The following CTNND1 variants were observed in gnomAD, a reference collection of about 807,000 sequenced individuals.
The protein encoded by CTNND1 is catenin delta-1.
A neutral mutation model predicts 112.1 loss-of-function variants in CTNND1; 16 were observed. The ratio of observed to expected loss-of-function variants is 0.14; its 90% CI spans 0.10 to 0.22. The LOEUF (loss-of-function observed/expected upper bound fraction) is 0.22, where lower values mean the gene tolerates loss of function less well. Ranked by LOEUF, CTNND1 falls within the 10% of genes least tolerant of loss-of-function variation. The probability of loss-of-function intolerance (pLI) is 1.00; values close to 1 mark genes in which losing one functional copy is unlikely to be tolerated. For synonymous variants in CTNND1, 420 were observed against 446.5 expected (o/e 0.94, Z 0.75); for missense variants, 1,008 against 1,257.0 (o/e 0.80, Z 3.00).
In CTNND1 at chr11:57,788,726, A is replaced by T. The variant is rs2060387954; in HGVS notation, c.-213-311A>T. ...ACAGCAGTTTTTTTCTTTTTCCCCA[A>T]TTTGGTTGCTGGAAACAGGGTAAAT... On this transcript the variant is annotated intron_variant, in intron 1 of 20. Transcript: ENST00000399050. The surrounding 1 kb of genome is among the most constrained non-coding windows in gnomAD (Gnocchi z 4.1). Among the ~76,000 whole-genome samples, 1 of 152,106 alleles carries T rather than the reference A, an allele frequency of 6.6e-6. No homozygotes were observed. The highest frequency in any genetic ancestry group is 2.1e-4 in the South Asian group (1 of 4,826).
chr11:57,780,470 T>C (rs1285564201), intron 1 of CTNND1, among the ~76,000 whole-genome samples: 1 of 152,212 alleles, frequency 6.6e-6, no homozygotes, highest in Non-Finnish European at 1.5e-5. Flanking sequence ...TACTAGTTGA[T>C]GAGCTTGGGC....
At chr11:57,806,696 C>A in intron 11 of CTNND1, 1 of 629,660 alleles carries the variant, frequency 1.6e-6, no homozygotes, top group Non-Finnish European at 2.8e-6. Flanking sequence ...ACAATAGCAT[C>A]AACAGTGGTC....
chr11:57,789,764 C>G (rs1053321744), intron 2 of CTNND1, among the ~76,000 whole-genome samples: 1 of 152,164 alleles, frequency 6.6e-6, no homozygotes, highest in African/African-American at 2.4e-5. Context: ...GCATGCGTCC[C>G]GCGGGCCAAG....
Position 57,796,324 on chromosome 11 carries a change from T to G in CTNND1, c.421-133T>G, listed in dbSNP as rs541416756. 178 of 795,602 alleles carry G rather than the reference T, an allele frequency of 2.2e-4. No homozygotes were observed. The East Asian group carries it at 4.8e-3, about 22-fold the overall frequency. 49.3% of individuals were successfully genotyped at this position (795,602 alleles called of 1,614,324 possible). On this transcript the variant is annotated intron_variant, in intron 5 of 20. Coordinates refer to ENST00000399050, the MANE Select transcript of CTNND1 (RefSeq NM_001085458.2). ...TTGCGTGAACCTGGGAGGCAGAGGTTGCAGGTGAGCCGAGATCACGCCATT... is the reference window on the plus strand; with the variant it reads ...TTGCGTGAACCTGGGAGGCAGAGGTGGCAGGTGAGCCGAGATCACGCCATT...
intron 6 of CTNND1, among the ~76,000 whole-genome samples, chr11:57,799,705 A>G (rs771436654): frequency 1.3e-5 from 2 of 152,196 alleles, no homozygotes; most frequent in Non-Finnish European, 2.9e-5. Context: ...GATATAGGAT[A>G]GAGTTATCTG....
At chr11:57,775,754 G>A (rs998229754) in intron 1 of CTNND1, among the ~76,000 whole-genome samples, 1 of 152,112 alleles carries the variant, frequency 6.6e-6, no homozygotes, top group Non-Finnish European at 1.5e-5. Flanking sequence ...GGGAGGGGCT[G>A]GTTATGTTAG....
intron 1 of CTNND1, among the ~76,000 whole-genome samples, chr11:57,767,059 C>T (rs957601532): frequency 2.0e-5 from 3 of 151,908 alleles, no homozygotes; most frequent in Non-Finnish European, 4.4e-5. Context: ...GCAACCTCCG[C>T]CTCCCGGTTT....
chr11:57,769,335 CAGAG>C (rs373036450), intron 1 of CTNND1, among the ~76,000 whole-genome samples: 2 of 150,988 alleles, frequency 1.3e-5, no homozygotes, highest in African/African-American at 4.9e-5. Flanking sequence ...AAAAAAAAAA[CAGAG>C]AGACAGAGTC....
At position 57,796,615 on chromosome 11, in the gene CTNND1, T is replaced by C. The variant is rs1015284909; in HGVS notation, c.579T>C (p.Tyr193=). ...ATGGCAATGGGGGACCTGGTCCCTA[T>C]GTGGGGCAAGCTGGCACTGCTACCC... is the stretch of plus-strand genomic sequence containing the variant. ...RKNGNGGPGP[Y]VGQAGTATLP... Residue 193 remains tyrosine, a synonymous_variant, in exon 6 of 21, where the codon TAT becomes TAC. Coordinates refer to ENST00000399050, the MANE Select transcript of CTNND1 (RefSeq NM_001085458.2). The C allele has an allele frequency of 6.2e-7, 1 of 1,614,022 alleles. No individual in the cohort carries two copies. The highest frequency in any genetic ancestry group is 8.5e-7 in the Non-Finnish European group (1 of 1,179,902).
At chr11:57,766,892 C>G (rs886716540) in intron 1 of CTNND1, among the ~76,000 whole-genome samples, 1 of 151,924 alleles carries the variant, frequency 6.6e-6, no homozygotes, top group Non-Finnish European at 1.5e-5. Flanking sequence ...CCAGTGAGCC[C>G]TTCAGTTTGA....
In CTNND1 at chr11:57,771,044, C is replaced by T. The variant is rs187810924; in HGVS notation, c.-214+8925C>T. 8.6e-5 allele frequency among the ~76,000 whole-genome samples: 13 copies of T among 151,104 alleles called. 1 individual carries two copies. In the East Asian group the frequency reaches 1.4e-3, roughly 16 times the overall value. On this transcript the variant is annotated intron_variant, in intron 1 of 20. Transcript: ENST00000399050. The stretch of plus-strand genomic sequence containing the variant: ...GATGTCTACCGTGCTGAAGGTCAGC[C>T]AAATAGGCAGGTAAGACTACCTAGG...
intron 14 of CTNND1, 64 bp downstream of exon 14, chr11:57,808,604 C>T: frequency 7.1e-7 from 1 of 1,401,064 alleles, no homozygotes; most frequent in Non-Finnish European, 9.4e-7. Flanking sequence ...CCAGCAGGTG[C>T]CTAATAATTT....
chr11:57,790,410 G>A (rs2060576469), intron 2 of CTNND1, among the ~76,000 whole-genome samples: 1 of 148,582 alleles, frequency 6.7e-6, no homozygotes, highest in African/African-American at 2.5e-5. Context: ...TTGAGACGGA[G>A]TCTTGCATTG....
chr11:57,813,487 C>T (rs140262031), intron 17 of CTNND1, among the ~76,000 whole-genome samples: 4 of 152,210 alleles, frequency 2.6e-5, no homozygotes, highest in Non-Finnish European at 2.9e-5. Flanking sequence ...ATGTCAAAAT[C>T]GTACATAGGT....
At chr11:57,785,962 G>A (rs1305324724) in intron 1 of CTNND1, among the ~76,000 whole-genome samples, 1 of 151,990 alleles carries the variant, frequency 6.6e-6, no homozygotes, top group Non-Finnish European at 1.5e-5. Context: ...TCTTACAGAC[G>A]AGACTGAGTT....
chr11:57,771,851 C>T (rs551720812), intron 1 of CTNND1, among the ~76,000 whole-genome samples: 2 of 152,090 alleles, frequency 1.3e-5, no homozygotes, highest in South Asian at 4.2e-4. Context: ...AGGTTGATTA[C>T]CTTTGTCTTA....
At chr11:57,780,213 C>T (rs1044449539) in intron 1 of CTNND1, among the ~76,000 whole-genome samples, 2 of 152,058 alleles carry the variant, frequency 1.3e-5, no homozygotes, top group Admixed American at 6.6e-5. Flanking sequence ...GCCACCACCC[C>T]CAGCTAATTT....
At chr11:57,803,593 G>A in intron 7 of CTNND1, 28 bp from the exon 8 acceptor site, 1 of 1,578,058 alleles carries the variant, frequency 6.3e-7, no homozygotes, top group Non-Finnish European at 8.6e-7. Context: ...GAATGCTCAA[G>A]AGCCATCTGA....
At position 57,796,931 on chromosome 11, in the gene CTNND1, A is replaced by T; in HGVS notation, c.895A>T (p.Met299Leu). The T allele has an allele frequency of 6.4e-7, 1 of 1,566,036 alleles. No individual in the cohort carries two copies. The highest frequency in any genetic ancestry group is 8.7e-7 in the Non-Finnish European group (1 of 1,150,116). ...CTATGATGACCTGGATTATGGTATGATGTCTGATTATGGCACTGCCCGTCG... is the reference window on the plus strand; with the variant it reads ...CTATGATGACCTGGATTATGGTATGTTGTCTGATTATGGCACTGCCCGTCG... ...MGYDDLDYGMMSDYGTARRTG... is the reference protein window; with the variant it reads ...MGYDDLDYGMLSDYGTARRTG... Residue 299 changes from methionine (M) to leucine (L), a missense_variant, in exon 6 of 21, where the codon ATG becomes TTG. Physicochemically the swap from Met to Leu is conservative, Grantham distance 15 (BLOSUM62 2). Coordinates refer to ENST00000399050, the MANE Select transcript of CTNND1 (RefSeq NM_001085458.2).
Sources: allele counts gnomAD v4.1 joint callset (sites outside exome capture counted in the v4.1 genomes callset), GRCh38; gene constraint gnomAD v4.1.1; non-coding constraint Gnocchi (gnomAD v3.1); transcripts MANE v1.5; gene names NCBI Gene and HGNC (gene_info 2026-07-23, HGNC 2026-07-21).